The following UNK variants were observed in gnomAD, a reference collection of about 807,000 sequenced individuals.
UNK encodes the protein unk zinc finger, also known as RING finger protein unkempt homolog.
A neutral mutation model predicts 97.6 loss-of-function variants in UNK; 32 were observed. The ratio of observed to expected loss-of-function variants is 0.33; its 90% CI spans 0.25 to 0.44. The LOEUF is 0.44. Among genes scored for constraint, UNK ranks in the 20% least tolerant of loss-of-function variants. UNK has a pLI of 1.00. For synonymous variants in UNK, 441 were observed against 461.2 expected, an observed-to-expected ratio of 0.96 and a Z score of 0.56; for missense variants, 771 against 1,098.4, an observed-to-expected ratio of 0.70 and a Z score of 4.21.
rs1301051508 is a variant in UNK, at chr17:75,818,086, T to C, written c.1306-17T>C. ...CCCAGCACCACATTCATCCACTCCC[T>C]GAATTTTCTCTCTCAGGCCAAATTA... On this transcript the variant is annotated splice_polypyrimidine_tract_variant and intron_variant, in intron 9 of 15. Coordinates refer to ENST00000589666, the MANE Select transcript of UNK (RefSeq NM_001080419.3). The surrounding 1 kb of genome is among the most constrained non-coding windows in gnomAD (Gnocchi z 5.1). 6.2e-7 allele frequency: 1 copy of C among 1,612,984 alleles called. No homozygotes were observed. Among genetic ancestry groups the C allele is most frequent in the African/African-American group, 1.3e-5 (1 of 74,976 alleles).
At position 75,819,937 on chromosome 17, in the gene UNK, A is replaced by T. The variant is rs779803480; in HGVS notation, c.1666A>T (p.Ser556Cys). The change falls in exon 13 of 16, where the codon AGC (serine) becomes TGC (cysteine). Residue 556 changes from serine to cysteine, a missense_variant. Around this residue, in one of 5 missense-constraint regions of UNK, gnomAD observed 91 missense variants for 173.1 expected, o/e 0.53. Coordinates refer to ENST00000589666, the MANE Select transcript of UNK (RefSeq NM_001080419.3). The surrounding 1 kb of genome is among the most constrained non-coding windows in gnomAD (Gnocchi z 5.4). ...TCTTGCAGGCGGCAGCTTGCTGCAG[A>T]GCTCTGCACCCGTGAACATCCCCGG... ...SITIGGSLLQSSAPVNIPGSL... is the reference protein window; with the variant it reads ...SITIGGSLLQCSAPVNIPGSL... 2 of 1,611,128 alleles carry T rather than the reference A, an allele frequency of 1.2e-6. No homozygotes were observed. Among genetic ancestry groups the T allele is most frequent in the South Asian group, 2.2e-5 (2 of 90,790 alleles).
In UNK at chr17:75,794,544, A is replaced by G. The variant is rs146722881; in HGVS notation, c.104+9560A>G. On this transcript the variant is annotated intron_variant, in intron 1 of 15. Coordinates refer to ENST00000589666, the MANE Select transcript of UNK (RefSeq NM_001080419.3). Reference sequence around the variant, plus strand: ...TCCCAGCTACTAGGGAGGCTGAGGCAGGAGAATCACTAGGACCCAGGAGGC... The same window carrying G: ...TCCCAGCTACTAGGGAGGCTGAGGCGGGAGAATCACTAGGACCCAGGAGGC... Among the ~76,000 whole-genome samples, 277 of 152,198 alleles carry G rather than the reference A, an allele frequency of 1.8e-3. 2 individuals are homozygous for G. Among genetic ancestry groups the G allele is most frequent in the African/African-American group, 6.4e-3 (267 of 41,512 alleles).
At chr17:75,797,227 T>A (rs1277959070) in intron 1 of UNK, among the ~76,000 whole-genome samples, 3 of 152,194 alleles carry the variant, frequency 2.0e-5, no homozygotes, top group East Asian at 3.8e-4. Flanking sequence ...TTGTATATAT[T>A]TGTTTTTTGT....
intron 1 of UNK, among the ~76,000 whole-genome samples, chr17:75,804,132 A>T (rs1022040333): frequency 6.6e-6 from 1 of 152,248 alleles, no homozygotes; most frequent in African/African-American, 2.4e-5. Flanking sequence ...TTGCATCTCA[A>T]TGTGAACACA....
chr17:75,785,768 C>G (rs1474489101), intron 1 of UNK: 1 of 151,940 alleles, frequency 6.6e-6, no homozygotes, highest in Non-Finnish European at 1.5e-5. Context: ...TAAGCATTCC[C>G]TAGAGTTAGG....
chr17:75,795,529 G>A (rs1375671332), intron 1 of UNK, among the ~76,000 whole-genome samples: 2 of 151,986 alleles, frequency 1.3e-5, no homozygotes, highest in Admixed American at 6.6e-5. Flanking sequence ...TAGTAGAGAC[G>A]GGGTTTCGCT....
intron 2 of UNK, among the ~76,000 whole-genome samples, 163 bp from the exon 3 acceptor site, chr17:75,811,949 G>T (rs937831797): frequency 6.6e-6 from 1 of 152,166 alleles, no homozygotes; most frequent in African/African-American, 2.4e-5. Flanking sequence ...TCGCGCCGCT[G>T]CACTCCAGCC....
intron 1 of UNK, among the ~76,000 whole-genome samples, chr17:75,787,749 C>T (rs1379509131): frequency 1.3e-5 from 2 of 151,356 alleles, no homozygotes; most frequent in Non-Finnish European, 2.9e-5. Context: ...CGCTTGAACC[C>T]AGGAGGCAGA....
intron 13 of UNK, among the ~76,000 whole-genome samples, chr17:75,820,976 C>CT (rs1188566458): frequency 6.6e-6 from 1 of 152,136 alleles, no homozygotes; most frequent in African/African-American, 2.4e-5. Flanking sequence ...AGGCTGTTCT[C>CT]TGTTACGTTG....
chr17:75,804,143 A>G (rs2061888776), intron 1 of UNK, among the ~76,000 whole-genome samples: 2 of 152,344 alleles, frequency 1.3e-5, no homozygotes, highest in Admixed American at 1.3e-4. Flanking sequence ...TGTGAACACA[A>G]AGGAAATTTC....
intron 1 of UNK, among the ~76,000 whole-genome samples, chr17:75,803,477 C>T (rs1315915781): frequency 6.6e-6 from 1 of 152,092 alleles, no homozygotes; most frequent in Admixed American, 6.6e-5. Context: ...TTCAGTACAA[C>T]CTAAAGTGTA....
chr17:75,815,408 T>TC (rs1275149801), intron 7 of UNK, among the ~76,000 whole-genome samples, 155 bp downstream of exon 7: 2 of 152,164 alleles, frequency 1.3e-5, no homozygotes, highest in South Asian at 2.1e-4. Flanking sequence ...GAAGCTCCAT[T>TC]CCCCCACCTT....
Position 75,824,303 on chromosome 17 carries a change from G to A in UNK, c.2319G>A (p.Gln773=). The change falls in exon 16 of 16, where the codon CAG becomes CAA. Residue 773 remains glutamine (Q), a synonymous_variant. Transcript: ENST00000589666. The surrounding 1 kb of genome is among the most constrained non-coding windows in gnomAD (Gnocchi z 4.9). ...AGTCGGTGAAATGCCTTAAGTGTCAGGAACAGAAGCGGGCAGTGCTGCCGT... is the reference window on the plus strand; with the variant it reads ...AGTCGGTGAAATGCCTTAAGTGTCAAGAACAGAAGCGGGCAGTGCTGCCGT... The part of the protein sequence containing the change: ...HMQSVKCLKC[Q]EQKRAVLPCQ... 1 of 1,604,944 alleles carries A rather than the reference G, an allele frequency of 6.2e-7. No individual in the cohort carries two copies. The highest frequency in any genetic ancestry group is 8.5e-7 in the Non-Finnish European group (1 of 1,176,384).
At chr17:75,801,329 A>G (rs2061855998) in intron 1 of UNK, among the ~76,000 whole-genome samples, 1 of 152,102 alleles carries the variant, frequency 6.6e-6, no homozygotes, top group South Asian at 2.1e-4. Flanking sequence ...ATTATTTGTT[A>G]ACACATTTGG....
At chr17:75,794,142 C>T (rs1410200679) in intron 1 of UNK, 1 of 975,790 alleles carries the variant, frequency 1.0e-6, no homozygotes, top group Non-Finnish European at 1.2e-6. Context: ...AGTAAGAGTA[C>T]TTTATAATGA....
chr17:75,818,730 G>A lies in UNK; in HGVS notation c.1460G>A (p.Ser487Asn), dbSNP rs1476282230. The A allele has an allele frequency of 2.5e-6, 4 of 1,613,164 alleles. No homozygotes were observed. Among genetic ancestry groups the A allele is most frequent in the Admixed American group, 1.7e-5 (1 of 59,944 alleles). ...TCCAGCCTGGCAGCTACCCCCCCTA[G>A]CCCAGTGGGCACCAGCAGCGTCCCC... is the stretch of plus-strand genomic sequence containing the variant. The part of the protein sequence containing the change: ...ITSSLAATPP[S>N]PVGTSSVPGM... The change falls in exon 11 of 16, where the codon AGC becomes AAC. Residue 487 changes from serine to asparagine, a missense_variant. Ser to Asn is a conservative substitution (Grantham distance 46). Around this residue, in one of 5 missense-constraint regions of UNK, gnomAD observed 91 missense variants for 173.1 expected, o/e 0.53. Transcript: ENST00000589666. This position sits in a 1 kb window ranked among gnomAD's most constrained non-coding sequence, Gnocchi z 5.1.
At chr17:75,793,455 G>C in intron 1 of UNK, 1 of 985,304 alleles carries the variant, frequency 1.0e-6, no homozygotes, top group Non-Finnish European at 1.2e-6. Flanking sequence ...TGTAGAATTT[G>C]ACAGCAGTAT....
chr17:75,822,443 T>C, intron 13 of UNK, 34 bp from the exon 14 acceptor site: 1 of 1,581,788 alleles, frequency 6.3e-7, no homozygotes, highest in Non-Finnish European at 8.6e-7. Flanking sequence ...CCCAAAGCCC[T>C]CCGGAGCTGA....
chr17:75,801,189 C>T (rs1032957901), intron 1 of UNK, among the ~76,000 whole-genome samples: 1 of 152,148 alleles, frequency 6.6e-6, no homozygotes, highest in African/African-American at 2.4e-5. Flanking sequence ...CGGTGTGAGC[C>T]ACTGCACCCA....
Sources: allele counts gnomAD v4.1 joint callset (sites outside exome capture counted in the v4.1 genomes callset), GRCh38; gene constraint gnomAD v4.1.1; regional missense constraint gnomAD v4.1.1; non-coding constraint Gnocchi (gnomAD v3.1); transcripts MANE v1.5; gene names NCBI Gene and HGNC (gene_info 2026-07-23, HGNC 2026-07-21).